The following PCDHA10 variants were observed in gnomAD, a reference collection of about 807,000 sequenced individuals.
PCDHA10 encodes protocadherin alpha-10.
Under a neutral mutation model 61.2 loss-of-function variants are expected in PCDHA10, and 45 were observed. The observed-to-expected ratio is 0.74, with a 90% CI of 0.58 to 0.94. PCDHA10 has a LOEUF of 0.94. Ranked by LOEUF, PCDHA10 falls within the 40% of genes least tolerant of loss-of-function variation. The pLI is 0.00. For synonymous variants in PCDHA10, 602 were observed against 548.8 expected, an observed-to-expected ratio of 1.10 and a Z score of -1.35; for missense variants, 1,278 against 1,236.2, an observed-to-expected ratio of 1.03 and a Z score of -0.51.
chr5:140,871,535 G>T (rs577559822), intron 1 of PCDHA10: 2 of 1,514,054 alleles, frequency 1.3e-6, no homozygotes, highest in Admixed American at 4.8e-5. Flanking sequence ...AAGTGTATGT[G>T]AAATTATTTA....
At chr5:140,920,000 A>T (rs1486623735) in intron 1 of PCDHA10, among the ~76,000 whole-genome samples, 1 of 152,178 alleles carries the variant, frequency 6.6e-6, no homozygotes, top group Non-Finnish European at 1.5e-5. Flanking sequence ...GACACAGAGG[A>T]AAAGGCCATG....
intron 1 of PCDHA10, chr5:140,882,409 C>A: frequency 6.2e-7 from 1 of 1,614,158 alleles, no homozygotes; most frequent in Non-Finnish European, 8.5e-7. Flanking sequence ...TCGTGGGCCG[C>A]ATCGCTCAGG....
chr5:140,981,895 G>A (rs2153826767), intron 2 of PCDHA10, among the ~76,000 whole-genome samples: 1 of 152,252 alleles, frequency 6.6e-6, no homozygotes, highest in East Asian at 1.9e-4. Flanking sequence ...TCTGAGCGGG[G>A]ATCTGTGAGT....
At chr5:140,969,919 T>C (rs773906362) in intron 1 of PCDHA10, among the ~76,000 whole-genome samples, 1 of 152,198 alleles carries the variant, frequency 6.6e-6, no homozygotes, top group South Asian at 2.1e-4. Flanking sequence ...GATAAAGCTG[T>C]AGTATTTAGA....
chr5:140,928,473 C>T (rs782009999), intron 1 of PCDHA10: 1 of 1,613,978 alleles, frequency 6.2e-7, no homozygotes, highest in Admixed American at 1.7e-5. Context: ...AAGTAGAAGG[C>T]CGGGATGGTG....
chr5:140,969,542 C>A, intron 1 of PCDHA10: 1 of 1,279,482 alleles, frequency 7.8e-7, no homozygotes, highest in Non-Finnish European at 1.1e-6. Context: ...TTTTCAGAGG[C>A]ATGAAGCCTT....
In PCDHA10 at chr5:140,871,159, G is replaced by T. The variant is rs781816033; in HGVS notation, c.2388+12723G>T. Reference sequence around the variant, plus strand: ...CTCTTCCCGGACTTTGGCGGGCGCCGCGAGCCCAGAGGCTGCGCTGGTGGA... The same window carrying T: ...CTCTTCCCGGACTTTGGCGGGCGCCTCGAGCCCAGAGGCTGCGCTGGTGGA... On this transcript the variant is annotated intron_variant, in intron 1 of 3. Coordinates refer to ENST00000307360, the MANE Select transcript of PCDHA10 (RefSeq NM_018901.4). The T allele has an allele frequency of 1.6e-5, 26 of 1,613,450 alleles. No individual in the cohort carries two copies. The South Asian group carries it at 2.9e-4, about 18-fold the overall frequency.
At chr5:140,907,720 C>T (rs1554193113) in intron 1 of PCDHA10, among the ~76,000 whole-genome samples, 1 of 152,208 alleles carries the variant, frequency 6.6e-6, no homozygotes, top group Non-Finnish European at 1.5e-5. Context: ...CATGTGTAAC[C>T]TCCATCCCTG....
At chr5:140,883,511 C>A in intron 1 of PCDHA10, 2 of 1,614,186 alleles carry the variant, frequency 1.2e-6, no homozygotes, top group Middle Eastern at 1.7e-4. Context: ...CGCCCTGGAC[C>A]GCGAGAGCGT....
Position 140,959,507 on chromosome 5 carries a change from T to C in PCDHA10, c.2389-19442T>C, listed in dbSNP as rs144994756. 4.4e-3 allele frequency among the ~76,000 whole-genome samples: 673 copies of C among 152,282 alleles called. 7 individuals are homozygous for C. Among genetic ancestry groups the C allele is most frequent in the African/African-American group, 0.015 (604 of 41,550 alleles). On this transcript the variant is annotated intron_variant, in intron 1 of 3. Coordinates refer to ENST00000307360, the MANE Select transcript of PCDHA10 (RefSeq NM_018901.4). Reference sequence around the variant, plus strand: ...GTTATATATGGATCAAACTAAAAAATTTTAAGATCTTTAAGACCATTAATT... The same window carrying C: ...GTTATATATGGATCAAACTAAAAAACTTTAAGATCTTTAAGACCATTAATT...
chr5:140,928,736 T>C, intron 1 of PCDHA10: 1 of 1,614,174 alleles, frequency 6.2e-7, no homozygotes, highest in Non-Finnish European at 8.5e-7. Flanking sequence ...TCAGCCAATA[T>C]AGGTGAGCTC....
intron 1 of PCDHA10, among the ~76,000 whole-genome samples, chr5:140,960,928 AAGTTT>A (rs2095579865): frequency 6.6e-6 from 1 of 152,184 alleles, no homozygotes; most frequent in South Asian, 2.1e-4. Context: ...AATTGGTACT[AAGTTT>A]AGTGAATTAG....
intron 3 of PCDHA10, among the ~76,000 whole-genome samples, chr5:141,007,907 A>G (rs1402621923): frequency 6.6e-6 from 1 of 152,186 alleles, no homozygotes; most frequent in Non-Finnish European, 1.5e-5. Flanking sequence ...TTCTTTGTTG[A>G]AGATGCTATA....
In PCDHA10 at chr5:140,927,058, C is replaced by G. The variant is rs376173105; in HGVS notation, c.2389-51891C>G. ...GGCCGCTATGTCCTCGCGGAACTTT[C>G]GCTTCCTTTCCAGCCACCGCGAGCT... On this transcript the variant is annotated intron_variant, in intron 1 of 3. Coordinates refer to ENST00000307360, the MANE Select transcript of PCDHA10 (RefSeq NM_018901.4). 17 of 1,611,136 alleles carry G rather than the reference C, an allele frequency of 1.1e-5. No homozygotes were observed. The South Asian group carries it at 1.2e-4, about 11-fold the overall frequency.
rs781967300 is a variant in PCDHA10 at position 140,856,501 on chromosome 5, T to C, written c.453T>C (p.Phe151=). The C allele has an allele frequency of 6.3e-7, 1 of 1,598,302 alleles. No homozygotes were observed. Among genetic ancestry groups the C allele is most frequent in the Admixed American group, 1.7e-5 (1 of 59,218 alleles). ...AATCCAGACTGCTTGACTCTCGATTTCCACTAGAAGGCGCATCTGATGCGG... is the reference window on the plus strand; with the variant it reads ...AATCCAGACTGCTTGACTCTCGATTCCCACTAGAAGGCGCATCTGATGCGG... The part of the protein sequence containing the change: ...IPESRLLDSR[F]PLEGASDADV... Residue 151 remains phenylalanine (F), a synonymous_variant, in exon 1 of 4, where the codon TTT becomes TTC. Coordinates refer to ENST00000307360, the MANE Select transcript of PCDHA10 (RefSeq NM_018901.4).
intron 1 of PCDHA10, 81 bp from the exon 2 acceptor site, chr5:140,978,868 G>A: frequency 6.2e-7 from 1 of 1,606,078 alleles, no homozygotes; most frequent in Non-Finnish European, 8.5e-7. Context: ...ATATTTAAGG[G>A]AGTAACTAAT....
In PCDHA10 at chr5:140,858,295, G is replaced by A. The variant is rs190932191; in HGVS notation, c.2247G>A (p.Ser749=). ...GCGCGGTGGGGAGCTGGTCTTACTC[G>A]CAGCAGAGGCGGCAGAGGGTGTGTT... ...CSSAVGSWSY[S]QQRRQRVCSG... Residue 749 remains serine (S), a synonymous_variant, in exon 1 of 4, where the codon TCG becomes TCA. Coordinates refer to ENST00000307360, the MANE Select transcript of PCDHA10 (RefSeq NM_018901.4). 2.6e-3 allele frequency: 4,219 copies of A among 1,597,346 alleles called. 330 individuals are homozygous for A. The highest frequency in any genetic ancestry group is 0.01 in the Middle Eastern group (61 of 5,988).
intron 1 of PCDHA10, among the ~76,000 whole-genome samples, chr5:140,891,255 A>C (rs1313851741): frequency 6.6e-6 from 1 of 151,868 alleles, no homozygotes; most frequent in Non-Finnish European, 1.5e-5. Context: ...GATTTTTTTT[A>C]ATTTTTAATT....
At position 141,011,317 on chromosome 5, in the gene PCDHA10, T is replaced by C. The variant is rs1554263417; in HGVS notation, c.*1380T>C. On this transcript the variant is annotated 3_prime_UTR_variant, in exon 4 of 4. Transcript: ENST00000307360. ...TAACACTCTGAATTGCTAATCTTAC[T>C]AACACCTATGATGTTACCTGAAATC... 1 of 153,818 alleles carries C rather than the reference T, an allele frequency of 6.5e-6. No homozygotes were observed. The highest frequency in any genetic ancestry group is 2.4e-5 in the African/African-American group (1 of 41,470). 9.5% of individuals were successfully genotyped at this position (153,818 alleles called of 1,614,324 possible).
Sources: gnomAD v4.1 joint callset for allele counts (sites outside exome capture counted in the v4.1 genomes callset) on GRCh38, gnomAD v4.1.1 for gene constraint, MANE v1.5 for transcripts, NCBI Gene and HGNC (gene_info 2026-07-23, HGNC 2026-07-21) for gene names.